Variants in TUBGCP3 observed in about 807,000 individuals in gnomAD.
The protein encoded by TUBGCP3 is tubulin gamma complex component 3.
A neutral mutation model predicts 123.1 loss-of-function variants in TUBGCP3; 50 were observed. The observed-to-expected ratio is 0.41, with a 90% confidence interval of 0.32 to 0.51. The LOEUF (loss-of-function observed/expected upper bound fraction) is 0.51, where lower values mean the gene tolerates loss of function less well. Among genes scored for constraint, TUBGCP3 ranks in the 20% least tolerant of loss-of-function variants. The pLI, the probability that TUBGCP3 is intolerant of heterozygous loss-of-function variation, is 0.36. For missense variants in TUBGCP3, 882 were observed against 1,127.0 expected (o/e 0.78, Z 3.11); for synonymous variants, 405 against 413.9 (o/e 0.98, Z 0.26).
At chr13:112,513,014 A>G (rs986670182) in intron 17 of TUBGCP3, among the ~76,000 whole-genome samples, 11 of 152,190 alleles carry the variant, frequency 7.2e-5, no homozygotes, top group Non-Finnish European at 4.4e-5. Context: ...AGAACATAAG[A>G]GATCGATTTT....
At chr13:112,526,884 ACAT>A in intron 13 of TUBGCP3, 55 bp downstream of exon 13, 3 of 1,256,374 alleles carry the variant, frequency 2.4e-6, no homozygotes, top group Non-Finnish European at 3.5e-6. Flanking sequence ...CACCATCCTC[ACAT>A]CATCATCAAC....
intron 11 of TUBGCP3, among the ~76,000 whole-genome samples, chr13:112,542,829 T>G (rs757528733): frequency 1.3e-5 from 2 of 152,052 alleles, no homozygotes; most frequent in Non-Finnish European, 2.9e-5. Flanking sequence ...TAAAATAACC[T>G]AGATTTAAAC....
Position 112,528,371 on chromosome 13 carries a change from G to A in TUBGCP3, c.1336-887C>T, listed in dbSNP as rs75463610. ...CAGCTGTGTAGACTGACGCTCCCAC[G>A]GGCAAGATGTCCTGTTTTTGCATCC... On this transcript the variant is annotated intron_variant, in intron 11 of 21. Transcript: ENST00000261965. Among the ~76,000 whole-genome samples the A allele has an allele frequency of 9.4e-3, 1,432 of 152,194 alleles. 22 individuals are homozygous for A. The highest frequency in any genetic ancestry group is 0.032 in the African/African-American group (1,339 of 41,510).
At chr13:112,498,628 A>T (rs1880675100) in intron 20 of TUBGCP3, among the ~76,000 whole-genome samples, 1 of 152,256 alleles carries the variant, frequency 6.6e-6, no homozygotes, top group South Asian at 2.1e-4. Flanking sequence ...TCATTGGGAC[A>T]TAAGACTGCT....
chr13:112,581,086 G>A (rs565531726), intron 1 of TUBGCP3, among the ~76,000 whole-genome samples: 22 of 152,146 alleles, frequency 1.4e-4, no homozygotes, highest in South Asian at 1.2e-3. Flanking sequence ...CCAGGGAGCC[G>A]GCCCCTTGCT....
rs753799627 is a variant in TUBGCP3 at position 112,558,209 on chromosome 13, A to G, written c.535T>C (p.Ser179Pro). ...GTGTGGCCTTACCCTGGGAGGAGAG[A>G]TTGTGGCGCAGGCGCGGGGCCACTG... is the stretch of plus-strand genomic sequence containing the variant. ...ALSGPAPAPQ[S>P]LLPGQSNQAP... The change falls in exon 5 of 22, where the codon TCT (serine) becomes CCT (proline). Residue 179 changes from serine (S) to proline (P), a missense_variant. Around this residue, in one of 3 missense-constraint regions of TUBGCP3, gnomAD observed 713 missense variants for 874.0 expected, o/e 0.82. Transcript: ENST00000261965. The G allele has an allele frequency of 5.5e-5, 88 of 1,610,444 alleles. No homozygotes were observed. Among genetic ancestry groups the G allele is most frequent in the Admixed American group, 1.2e-4 (7 of 59,970 alleles).
chr13:112,552,672 C>G (rs911711023), intron 8 of TUBGCP3, among the ~76,000 whole-genome samples: 1 of 152,192 alleles, frequency 6.6e-6, no homozygotes, highest in African/African-American at 2.4e-5. Flanking sequence ...AGGAGAAGCC[C>G]AAACCAGAAC....
chr13:112,530,918 T>C lies in TUBGCP3; in HGVS notation c.1336-3434A>G, dbSNP rs139240134. On this transcript the variant is annotated intron_variant, in intron 11 of 21. Transcript: ENST00000261965. ...TATGTGCTTATGTGATCAACATTGT[T>C]TAAACTGCAAATATTTTTCTATTAG... Among the ~76,000 whole-genome samples, 76 of 152,334 alleles carry C rather than the reference T, an allele frequency of 5.0e-4. No homozygotes were observed. The East Asian group carries it at 0.014, about 28-fold the overall frequency.
chr13:112,537,614 T>C (rs913684712), intron 11 of TUBGCP3, among the ~76,000 whole-genome samples: 5 of 152,370 alleles, frequency 3.3e-5, no homozygotes, highest in Non-Finnish European at 5.9e-5. Flanking sequence ...TTGTGTGTTG[T>C]ATCATGTTGA....
At position 112,522,513 on chromosome 13, in the gene TUBGCP3, T is replaced by C. The variant is rs1057203969; in HGVS notation, c.1556-4A>G. ...AAGTCTGTGAATAGGTCTGCAGCTG[T>C]AAAGAACAACAGGGAAGAGCACACA... On this transcript the variant is annotated splice_polypyrimidine_tract_variant and splice_region_variant and intron_variant, in intron 13 of 21. Transcript: ENST00000261965. 5 of 1,608,680 alleles carry C rather than the reference T, an allele frequency of 3.1e-6. No individual in the cohort carries two copies. The African/African-American group carries it at 4.0e-5, about 13-fold the overall frequency.
chr13:112,510,129 A>G lies in TUBGCP3; in HGVS notation c.2087-5415T>C, dbSNP rs150113742. ...CGATACACAAAACTGGGCAGCCACTATCTCCTCCCGCTTGGGCAGCAGCTA... is the reference window on the plus strand; with the variant it reads ...CGATACACAAAACTGGGCAGCCACTGTCTCCTCCCGCTTGGGCAGCAGCTA... On this transcript the variant is annotated intron_variant, in intron 17 of 21. Transcript: ENST00000261965. Among the ~76,000 whole-genome samples, 228 of 152,162 alleles carry G rather than the reference A, an allele frequency of 1.5e-3. 2 individuals are homozygous for G. The highest frequency in any genetic ancestry group is 1.9e-3 in the East Asian group (10 of 5,176).
the TUBGCP3 span, among the ~76,000 whole-genome samples, chr13:112,598,657 A>C: frequency 6.6e-6 from 1 of 152,182 alleles, no homozygotes. Context: ...ATAAAGAGTA[A>C]ATTATCGCCG....
the TUBGCP3 span, chr13:112,602,684 A>G: frequency 6.6e-6 from 1 of 152,240 alleles, no homozygotes; most frequent in Non-Finnish European, 1.5e-5. Context: ...TGAGTGGGCT[A>G]GTGACCAACC....
chr13:112,493,895 G>A (rs533983620), intron 20 of TUBGCP3, among the ~76,000 whole-genome samples: 1 of 150,752 alleles, frequency 6.6e-6, no homozygotes, highest in African/African-American at 2.4e-5. Context: ...ATAGGAATGG[G>A]GCCTGGTGTC....
At chr13:112,558,589 A>G (rs1220083275) in intron 4 of TUBGCP3, among the ~76,000 whole-genome samples, 176 bp from the exon 5 acceptor site, 1 of 152,206 alleles carries the variant, frequency 6.6e-6, no homozygotes, top group Non-Finnish European at 1.5e-5. Flanking sequence ...TAAACTGATA[A>G]AGTTTTAGAA....
At chr13:112,549,160 A>C (rs1879328766) in intron 8 of TUBGCP3, among the ~76,000 whole-genome samples, 1 of 152,236 alleles carries the variant, frequency 6.6e-6, no homozygotes, top group African/African-American at 2.4e-5. Context: ...CAGCCATAAA[A>C]AATGATGAGT....
chr13:112,534,976 TAAC>T (rs892936337), intron 11 of TUBGCP3, among the ~76,000 whole-genome samples: 3 of 152,166 alleles, frequency 2.0e-5, no homozygotes, highest in African/African-American at 7.2e-5. Context: ...CTGACAACAT[TAAC>T]TACTTTCTAT....
intron 3 of TUBGCP3, 88 bp from the exon 4 acceptor site, chr13:112,559,487 T>A: frequency 1.9e-6 from 2 of 1,058,226 alleles, no homozygotes; most frequent in Non-Finnish European, 2.7e-6. Context: ...ATTTCCAAAC[T>A]AGAAATGCAT....
rs752700592 is a variant in TUBGCP3 at position 112,558,190 on chromosome 13, C to T, written c.548+6G>A. The T allele has an allele frequency of 1.9e-6, 3 of 1,607,640 alleles. No homozygotes were observed. Among genetic ancestry groups the T allele is most frequent in the East Asian group, 2.2e-5 (1 of 44,756 alleles). On this transcript the variant is annotated splice_donor_region_variant and intron_variant, in intron 5 of 21. Transcript: ENST00000261965. Reference sequence around the variant, plus strand: ...AGAGAATCTATACACGTCAGTGTGGCCTTACCCTGGGAGGAGAGATTGTGG... The same window carrying T: ...AGAGAATCTATACACGTCAGTGTGGTCTTACCCTGGGAGGAGAGATTGTGG...
Sources: gnomAD v4.1 joint callset for allele counts (sites outside exome capture counted in the v4.1 genomes callset) on GRCh38, gnomAD v4.1.1 for gene constraint, gnomAD v4.1.1 regional missense constraint, MANE v1.5 for transcripts, NCBI Gene and HGNC (gene_info 2026-07-23, HGNC 2026-07-21) for gene names.